SMIM21: variants seen among roughly 807,000 people sequenced by gnomAD.
SMIM21 encodes small integral membrane protein 21.
In SMIM21, 8 loss-of-function variants were observed where a neutral mutation model predicts 8.6. That is an observed-to-expected ratio of 0.93 (90% CI 0.55 to 1.68). The LOEUF (loss-of-function observed/expected upper bound fraction) is 1.68. Ranked by LOEUF, SMIM21 falls within the 40% of genes most tolerant of loss-of-function variation. SMIM21 has a pLI of 0.00. For missense variants in SMIM21, 132 were observed against 123.0 expected (o/e 1.07, Z -0.35); for synonymous variants, 43 against 41.7 (o/e 1.03, Z -0.12).
intron 1 of SMIM21, among the ~76,000 whole-genome samples, chr18:75,424,784 C>G (rs1194547759): frequency 1.3e-5 from 2 of 152,222 alleles, no homozygotes; most frequent in Non-Finnish European, 2.9e-5. Context: ...AAATGTCTCA[C>G]TAATGTGACA....
intron 1 of SMIM21, among the ~76,000 whole-genome samples, chr18:75,422,273 G>C (rs2024717735): frequency 6.6e-6 from 1 of 152,106 alleles, no homozygotes; most frequent in South Asian, 2.1e-4. Flanking sequence ...TGACTCAATG[G>C]GCACCTCAAA....
rs1329953519 is a variant in SMIM21, at chr18:75,427,469, T to G, written c.95A>C (p.Lys32Thr). The change falls in exon 1 of 3, where the codon AAG becomes ACG. Residue 32 changes from lysine to threonine, a missense_variant. Transcript: ENST00000579022. ...TGCTTTCTTCTGCAGCAAATTCCCC[T>G]TGAATATCCGTCCCATTCCTGCAGA... The part of the protein sequence containing the change: ...QDSAGMGRIF[K>T]GNLLQKKALT... 2 of 1,613,964 alleles carry G rather than the reference T, an allele frequency of 1.2e-6. No individual in the cohort carries two copies. Among genetic ancestry groups the G allele is most frequent in the African/African-American group, 1.3e-5 (1 of 74,918 alleles).
At chr18:75,416,210 A>G (rs1207099427) in intron 2 of SMIM21, 2 of 152,256 alleles carry the variant, frequency 1.3e-5, no homozygotes, top group African/African-American at 2.4e-5. Flanking sequence ...AATGTTAACA[A>G]TATATGACAT....
In SMIM21 at chr18:75,410,771, T is replaced by C. The variant is rs779383735; in HGVS notation, c.*93A>G. 2 of 1,584,532 alleles carry C rather than the reference T, an allele frequency of 1.3e-6. No homozygotes were observed. Among genetic ancestry groups the C allele is most frequent in the South Asian group, 1.2e-5 (1 of 85,128 alleles). ...TTAAAAAGTGAGCAATAATCTGCTA[T>C]CTCTAAGCAATCTGATTTCCTCTTA... On this transcript the variant is annotated 3_prime_UTR_variant, in exon 3 of 3. Transcript: ENST00000579022.
intron 2 of SMIM21, 45 bp from the exon 3 acceptor site, chr18:75,410,954 G>A: frequency 6.2e-7 from 1 of 1,602,176 alleles, no homozygotes. Context: ...TTTTTTGATA[G>A]ATATAATCAA....
rs747124628 is a variant in SMIM21, at chr18:75,410,801, C to G, written c.*63G>C. 15 of 1,602,434 alleles carry G rather than the reference C, an allele frequency of 9.4e-6. No homozygotes were observed. The highest frequency in any genetic ancestry group is 1.3e-5 in the Non-Finnish European group (15 of 1,175,708). On this transcript the variant is annotated 3_prime_UTR_variant, in exon 3 of 3. Transcript: ENST00000579022. ...AAGCAATCTGATTTCCTCTTAATTT[C>G]TTTTCATCTTGAGCAGGGGAAATCC... is the stretch of plus-strand genomic sequence containing the variant.
Position 75,418,857 on chromosome 18 carries a change from C to T in SMIM21, c.189G>A (p.Val63=). 5.6e-6 allele frequency: 9 copies of T among 1,609,392 alleles called. No homozygotes were observed. The highest frequency in any genetic ancestry group is 7.7e-6 in the Non-Finnish European group (9 of 1,175,800). ...GTATCCTGCTATGATTCCTCAGCAA[C>T]ACCATCACATGGAAAAGAACCAACA... ...FTLLVLFHVM[V]LLRNHSRIQG... is the part of the protein sequence containing the mutation. The change falls in exon 2 of 3, where the codon GTG becomes GTA. Residue 63 remains valine, a synonymous_variant. Coordinates refer to ENST00000579022, the MANE Select transcript of SMIM21 (RefSeq NM_001037331.3).
At position 75,423,898 on chromosome 18, in the gene SMIM21, A is replaced by G. The variant is rs553653416; in HGVS notation, c.129+3537T>C. Among the ~76,000 whole-genome samples the G allele has an allele frequency of 3.9e-4, 60 of 152,312 alleles. 1 individual carries two copies. Among genetic ancestry groups the G allele is most frequent in the African/African-American group, 1.4e-3 (59 of 41,572 alleles). On this transcript the variant is annotated intron_variant, in intron 1 of 2. Coordinates refer to ENST00000579022, the MANE Select transcript of SMIM21 (RefSeq NM_001037331.3). ...ACTAATGGCCTTAATGAGCAAAGAC[A>G]CGGTCATTTTAGTGACACGTTTTTG...
chr18:75,421,754 G>C (rs569682403), intron 1 of SMIM21, among the ~76,000 whole-genome samples: 3 of 152,282 alleles, frequency 2.0e-5, no homozygotes, highest in East Asian at 3.9e-4. Context: ...GTAAAATTGT[G>C]AGAGGAGTGG....
At chr18:75,420,005 C>T (rs2024692237) in intron 1 of SMIM21, among the ~76,000 whole-genome samples, 1 of 152,138 alleles carries the variant, frequency 6.6e-6, no homozygotes, top group African/African-American at 2.4e-5. Flanking sequence ...AGCTCCCTTC[C>T]CCCAATCCCA....
chr18:75,424,023 T>C (rs2024736057), intron 1 of SMIM21, among the ~76,000 whole-genome samples: 1 of 142,170 alleles, frequency 7.0e-6, no homozygotes, highest in Non-Finnish European at 1.6e-5. Context: ...TTCGTTGCAA[T>C]GCATTGCTTC....
In SMIM21 at chr18:75,410,760, A is replaced by G; in HGVS notation, c.*104T>C. On this transcript the variant is annotated 3_prime_UTR_variant, in exon 3 of 3. Coordinates refer to ENST00000579022, the MANE Select transcript of SMIM21 (RefSeq NM_001037331.3). ...TGGAGCTCCTTTTAAAAAGTGAGCAATAATCTGCTATCTCTAAGCAATCTG... is the reference window on the plus strand; with the variant it reads ...TGGAGCTCCTTTTAAAAAGTGAGCAGTAATCTGCTATCTCTAAGCAATCTG... 1 of 1,559,184 alleles carries G rather than the reference A, an allele frequency of 6.4e-7. No individual in the cohort carries two copies. Among genetic ancestry groups the G allele is most frequent in the South Asian group, 1.2e-5 (1 of 81,838 alleles).
rs1284623253 is a variant in SMIM21 at position 75,418,884 on chromosome 18, T to G, written c.162A>C (p.Thr54=). The G allele has an allele frequency of 6.2e-7, 1 of 1,604,510 alleles. No individual in the cohort carries two copies. The highest frequency in any genetic ancestry group is 1.1e-5 in the South Asian group (1 of 90,800). The stretch of plus-strand genomic sequence containing the variant: ...CCATCACATGGAAAAGAACCAACAA[T>G]GTGAAGAAACGAATATGGTGTTCAT... ...FENEHHIRFF[T]LLVLFHVMVL... The change falls in exon 2 of 3, where the codon ACA becomes ACC. Residue 54 remains threonine, a synonymous_variant. Transcript: ENST00000579022.
intron 1 of SMIM21, among the ~76,000 whole-genome samples, chr18:75,426,287 A>C (rs2024760267): frequency 7.0e-6 from 1 of 141,910 alleles, no homozygotes; most frequent in Non-Finnish European, 1.6e-5. Context: ...ACTTTTATTT[A>C]TTTATTTGTT....
In SMIM21 at chr18:75,410,606, A is replaced by T; in HGVS notation, c.*258T>A. The T allele has an allele frequency of 2.3e-6, 2 of 859,562 alleles. No homozygotes were observed. Among genetic ancestry groups the T allele is most frequent in the Non-Finnish European group, 3.2e-6 (2 of 617,516 alleles). The allele number at this position is 859,562 out of a possible 1,614,324, so 53.2% of individuals were successfully genotyped here. ...GGATCTGTTTCGACACGCAGGGCAG[A>T]TTTCGCAGGGTTGGGTGGCATCTGC... On this transcript the variant is annotated 3_prime_UTR_variant, in exon 3 of 3. Coordinates refer to ENST00000579022, the MANE Select transcript of SMIM21 (RefSeq NM_001037331.3).
In SMIM21 at chr18:75,410,925, G is replaced by T. The variant is rs781207276; in HGVS notation, c.261-16C>A. 2 of 1,613,386 alleles carry T rather than the reference G, an allele frequency of 1.2e-6. No homozygotes were observed. The highest frequency in any genetic ancestry group is 8.5e-7 in the Non-Finnish European group (1 of 1,179,728). ...ACGTAGAAAGCTGCAAGAGACAAAAGGGGGAAAAAGCATTTTATTTTTTTG... is the reference window on the plus strand; with the variant it reads ...ACGTAGAAAGCTGCAAGAGACAAAATGGGGAAAAAGCATTTTATTTTTTTG... On this transcript the variant is annotated splice_polypyrimidine_tract_variant and intron_variant, in intron 2 of 2. Coordinates refer to ENST00000579022, the MANE Select transcript of SMIM21 (RefSeq NM_001037331.3).
At chr18:75,419,752 C>T (rs1383071536) in intron 1 of SMIM21, among the ~76,000 whole-genome samples, 3 of 152,090 alleles carry the variant, frequency 2.0e-5, no homozygotes, top group African/African-American at 7.2e-5. Flanking sequence ...GATATACTTT[C>T]AAGAAGTGGA....
chr18:75,418,148 G>A (rs1405605630), intron 2 of SMIM21: 1 of 398,184 alleles, frequency 2.5e-6, no homozygotes, highest in Non-Finnish European at 4.4e-6. Flanking sequence ...TGGGTATGTT[G>A]AAAACACAAA....
At chr18:75,419,468 A>G (rs932898512) in intron 1 of SMIM21, among the ~76,000 whole-genome samples, 2 of 152,212 alleles carry the variant, frequency 1.3e-5, no homozygotes, top group Non-Finnish European at 2.9e-5. Context: ...CATAGCAATA[A>G]GTTTTGTGCC....
Sources: allele counts gnomAD v4.1 joint callset (sites outside exome capture counted in the v4.1 genomes callset), GRCh38; gene constraint gnomAD v4.1.1; transcripts MANE v1.5; gene names NCBI Gene and HGNC (gene_info 2026-07-23, HGNC 2026-07-21).